The following IL1RAPL1 variants were observed in gnomAD, a reference collection of about 807,000 sequenced individuals.
IL1RAPL1 encodes the protein interleukin 1 receptor accessory protein like 1.
IL1RAPL1 carries 3 observed loss-of-function variants against 48.4 expected under a neutral mutation model. The observed-to-expected ratio is 0.06, with a 90% confidence interval of 0.03 to 0.16. IL1RAPL1 has a LOEUF of 0.16. IL1RAPL1 is among the 10% of genes least tolerant of loss of function. The probability of loss-of-function intolerance (pLI) is 1.00; values close to 1 mark genes in which losing one functional copy is unlikely to be tolerated. For synonymous variants in IL1RAPL1, 185 were observed against 187.7 expected, an observed-to-expected ratio of 0.99 and a Z score of 0.12; for missense variants, 349 against 530.6, an observed-to-expected ratio of 0.66 and a Z score of 3.36.
chrX:29,480,561 CATA>C (rs1935031805), intron 5 of IL1RAPL1, among the ~76,000 whole-genome samples: 1 of 110,065 alleles, frequency 9.1e-6, no homozygotes, highest in African/African-American at 3.3e-5. Context: ...TAGTTTCAAC[CATA>C]ATAATATATG....
At chrX:29,804,925 AT>A (rs2147174089) in intron 6 of IL1RAPL1, among the ~76,000 whole-genome samples, 1 of 112,491 alleles carries the variant, frequency 8.9e-6, no homozygotes, top group African/African-American at 3.2e-5. Context: ...TCTTAAAAAA[AT>A]AATTAAATAC....
intron 1 of IL1RAPL1, among the ~76,000 whole-genome samples, chrX:28,634,732 T>C (rs1273495874): frequency 9.0e-6 from 1 of 110,882 alleles, no homozygotes; most frequent in East Asian, 2.8e-4. Flanking sequence ...TTTTATCACG[T>C]TTTTCTCTTA....
chrX:29,715,813 AAACT>A (rs1927468325), intron 6 of IL1RAPL1, among the ~76,000 whole-genome samples: 1 of 112,188 alleles, frequency 8.9e-6, no homozygotes, highest in Admixed American at 9.5e-5. Context: ...TCTATTCAAT[AAACT>A]TGCATTGAAT....
chrX:29,333,703 G>A (rs1203450576), intron 3 of IL1RAPL1, among the ~76,000 whole-genome samples: 5 of 84,267 alleles, frequency 5.9e-5, no homozygotes, highest in Admixed American at 2.2e-4. Flanking sequence ...CTGGCCGGGC[G>A]GGGGGCTGAC....
chrX:29,089,504 C>T (rs779654355), intron 2 of IL1RAPL1, among the ~76,000 whole-genome samples: 24 of 106,979 alleles, frequency 2.2e-4, no homozygotes, highest in South Asian at 8.3e-4. Flanking sequence ...ATCATATAAC[C>T]GAAAGTTTGT....
At chrX:28,792,877 A>G (rs1422825559) in intron 2 of IL1RAPL1, among the ~76,000 whole-genome samples, 1 of 84,216 alleles carries the variant, frequency 1.2e-5, no homozygotes, top group Non-Finnish European at 2.2e-5. Context: ...ATATCATTAT[A>G]ACATTCTTGA....
intron 5 of IL1RAPL1, among the ~76,000 whole-genome samples, chrX:29,420,636 A>G (rs985263557): frequency 8.9e-6 from 1 of 112,335 alleles, no homozygotes; most frequent in Admixed American, 9.5e-5. Context: ...CCCTCGAGCC[A>G]CGACTTTGTC....
rs186805704 is a variant in IL1RAPL1 at position 28,998,636 on chromosome X, G to A, written c.82+209211G>A. ...ATGCTTTTGCAAAGACAGTCTTGGG[G>A]TTATAAAATGATAGGTTTTATTGCA... On this transcript the variant is annotated intron_variant, in intron 2 of 10. Coordinates refer to ENST00000378993, the MANE Select transcript of IL1RAPL1 (RefSeq NM_014271.4). Among the ~76,000 whole-genome samples, 3 of 112,097 alleles carry A rather than the reference G, an allele frequency of 2.7e-5. No homozygotes were observed. The East Asian group carries it at 8.3e-4, about 31-fold the overall frequency.
intron 1 of IL1RAPL1, among the ~76,000 whole-genome samples, chrX:28,618,272 C>T (rs916048942): frequency 4.5e-5 from 5 of 111,892 alleles, no homozygotes; most frequent in Non-Finnish European, 9.4e-5. Flanking sequence ...AAACATAAAA[C>T]GATATCTGAT....
chrX:28,960,376 T>C (rs1448083991), intron 2 of IL1RAPL1, among the ~76,000 whole-genome samples: 1 of 111,954 alleles, frequency 8.9e-6, no homozygotes, highest in Non-Finnish European at 1.9e-5. Flanking sequence ...TCTTATGGAA[T>C]ATCAAAAGAC....
chrX:28,797,197 A>G (rs2147269280), intron 2 of IL1RAPL1, among the ~76,000 whole-genome samples: 1 of 111,340 alleles, frequency 9.0e-6, no homozygotes, highest in South Asian at 4.0e-4. Context: ...CTCTGGGCCT[A>G]TGATGGTGGG....
At chrX:29,447,317 G>T (rs1307646187) in intron 5 of IL1RAPL1, among the ~76,000 whole-genome samples, 11 of 107,527 alleles carry the variant, frequency 1.0e-4, no homozygotes, top group Non-Finnish European at 2.1e-4. Context: ...AATTATATGC[G>T]CCTCATATTG....
At chrX:29,237,597 C>T (rs780575187) in intron 2 of IL1RAPL1, among the ~76,000 whole-genome samples, 47 of 112,395 alleles carry the variant, frequency 4.2e-4, no homozygotes, top group Non-Finnish European at 7.5e-4. Context: ...ATTTGATGCC[C>T]GTAGTGTTTG....
chrX:28,949,689 GTGA>G (rs1924399441), intron 2 of IL1RAPL1, among the ~76,000 whole-genome samples: 1 of 109,819 alleles, frequency 9.1e-6, no homozygotes, highest in Non-Finnish European at 1.9e-5. Flanking sequence ...CTGATGGCCA[GTGA>G]TGATGAGCAT....
At chrX:29,895,951 A>C (rs1932376004) in intron 6 of IL1RAPL1, among the ~76,000 whole-genome samples, 1 of 112,034 alleles carries the variant, frequency 8.9e-6, no homozygotes, top group African/African-American at 3.2e-5. Context: ...AGAAACAGCC[A>C]ACATTCCCTA....
chrX:29,205,443 G>A (rs1357218146), intron 2 of IL1RAPL1, among the ~76,000 whole-genome samples: 1 of 111,195 alleles, frequency 9.0e-6, no homozygotes, highest in Non-Finnish European at 1.9e-5. Flanking sequence ...TATATATATT[G>A]ATGTTATATA....
At chrX:28,945,600 A>C (rs1924278579) in intron 2 of IL1RAPL1, among the ~76,000 whole-genome samples, 1 of 109,649 alleles carries the variant, frequency 9.1e-6, no homozygotes, top group Non-Finnish European at 1.9e-5. Flanking sequence ...GGCCAGTTGG[A>C]GGGTTGGGGA....
intron 5 of IL1RAPL1, among the ~76,000 whole-genome samples, chrX:29,404,836 T>C (rs948205648): frequency 2.7e-5 from 3 of 112,133 alleles, no homozygotes. Flanking sequence ...TTAGTTTTCA[T>C]TTATCAGAGA....
chrX:28,743,343 C>T (rs1284863982), intron 1 of IL1RAPL1, among the ~76,000 whole-genome samples: 1 of 111,617 alleles, frequency 9.0e-6, no homozygotes, highest in Non-Finnish European at 1.9e-5. Flanking sequence ...TCAAATCATC[C>T]AGCATGTAAT....
Sources: allele counts gnomAD v4.1 joint callset (sites outside exome capture counted in the v4.1 genomes callset), GRCh38; gene constraint gnomAD v4.1.1; transcripts MANE v1.5; gene names NCBI Gene and HGNC (gene_info 2026-07-23, HGNC 2026-07-21).